The following ROBO2 variants were observed in gnomAD, a reference collection of about 807,000 sequenced individuals.
ROBO2 encodes the protein roundabout homolog 2.
ROBO2 carries 53 observed loss-of-function variants against 160.8 expected under a neutral mutation model. The observed-to-expected ratio is 0.33, with a 90% CI of 0.26 to 0.41. The LOEUF (loss-of-function observed/expected upper bound fraction) is 0.41. Among genes scored for constraint, ROBO2 ranks in the 10% least tolerant of loss-of-function variants. The pLI, the probability that ROBO2 is intolerant of heterozygous loss-of-function variation, is 1.00. For synonymous variants in ROBO2, 664 were observed against 611.7 expected, an observed-to-expected ratio of 1.09 and a Z score of -1.26; for missense variants, 1,577 against 1,722.4, an observed-to-expected ratio of 0.92 and a Z score of 1.49.
At chr3:76,099,720 A>G (rs900548393) in intron 2 of ROBO2, among the ~76,000 whole-genome samples, 1 of 152,148 alleles carries the variant, frequency 6.6e-6, no homozygotes, top group Non-Finnish European at 1.5e-5. Context: ...CTCTAAAAAA[A>G]TTTTCACTTA....
intron 1 of ROBO2, among the ~76,000 whole-genome samples, chr3:77,050,870 T>C (rs1001084017): frequency 6.6e-6 from 1 of 151,290 alleles, no homozygotes; most frequent in Non-Finnish European, 1.5e-5. Flanking sequence ...AAAAAAAAAT[T>C]AGCTGGGCAT....
chr3:76,893,842 A>G (rs935173431), intron 2 of ROBO2, among the ~76,000 whole-genome samples: 4 of 152,078 alleles, frequency 2.6e-5, no homozygotes, highest in Non-Finnish European at 4.4e-5. Flanking sequence ...CACCCTTCTC[A>G]GCCTCTAGCA....
At chr3:77,487,559 T>C (rs959030379) in intron 4 of ROBO2, among the ~76,000 whole-genome samples, 2 of 152,176 alleles carry the variant, frequency 1.3e-5, no homozygotes, top group Admixed American at 6.6e-5. Flanking sequence ...TTCAGTCTTT[T>C]TCTGGAAGGG....
At chr3:76,458,010 T>C (rs572028250) in intron 2 of ROBO2, among the ~76,000 whole-genome samples, 27 of 152,252 alleles carry the variant, frequency 1.8e-4, no homozygotes, top group African/African-American at 6.3e-4. Flanking sequence ...GAGGGGCTTC[T>C]CTCCATGTCT....
intron 2 of ROBO2, chr3:76,434,699 C>A: frequency 9.3e-7 from 1 of 1,078,894 alleles, no homozygotes; most frequent in Non-Finnish European, 1.4e-6. Flanking sequence ...TCCCCGTTCA[C>A]CAGGCAGGCC....
At chr3:76,829,873 G>A (rs1398352214) in intron 2 of ROBO2, among the ~76,000 whole-genome samples, 3 of 152,070 alleles carry the variant, frequency 2.0e-5, no homozygotes, top group Non-Finnish European at 4.4e-5. Flanking sequence ...TCACCATGTT[G>A]ACCAGGTTGG....
intron 2 of ROBO2, among the ~76,000 whole-genome samples, chr3:77,432,300 T>C (rs1278339702): frequency 3.3e-5 from 5 of 152,222 alleles, no homozygotes; most frequent in Non-Finnish European, 7.3e-5. Context: ...ATTAATAAAG[T>C]GAATTCTGTA....
intron 2 of ROBO2, among the ~76,000 whole-genome samples, chr3:76,831,880 CA>C (rs1201425441): frequency 6.6e-6 from 1 of 152,024 alleles, no homozygotes; most frequent in African/African-American, 2.4e-5. Context: ...GCTTTGTGGC[CA>C]GGGGGAAGAT....
chr3:76,684,922 C>T (rs1344095839), intron 2 of ROBO2, among the ~76,000 whole-genome samples: 1 of 151,500 alleles, frequency 6.6e-6, no homozygotes, highest in African/African-American at 2.4e-5. Context: ...AATTAAAAAC[C>T]CCAGGCAAAA....
chr3:76,915,975 T>C (rs2076279257), intron 2 of ROBO2, among the ~76,000 whole-genome samples: 1 of 152,100 alleles, frequency 6.6e-6, no homozygotes, highest in Admixed American at 6.6e-5. Flanking sequence ...CATATGCCTC[T>C]CTTATAATCA....
At chr3:76,199,590 GACCATAAATAAAAAT>G in intron 2 of ROBO2, among the ~76,000 whole-genome samples, 1 of 152,076 alleles carries the variant, frequency 6.6e-6, no homozygotes, top group Non-Finnish European at 1.5e-5. Flanking sequence ...ATAATGGCCA[GACCATAAATAAAAAT>G]AGAAACCTGA....
intron 2 of ROBO2, among the ~76,000 whole-genome samples, chr3:76,330,237 A>G (rs185893274): frequency 6.6e-6 from 1 of 152,316 alleles, no homozygotes; most frequent in African/African-American, 2.4e-5. Flanking sequence ...AGATACACCC[A>G]ATTAATTGCA....
intron 2 of ROBO2, among the ~76,000 whole-genome samples, chr3:77,297,404 C>T (rs2062242714): frequency 6.6e-6 from 1 of 152,052 alleles, no homozygotes; most frequent in Non-Finnish European, 1.5e-5. Context: ...GAACTAGAGT[C>T]TCTTGATTTT....
intron 2 of ROBO2, among the ~76,000 whole-genome samples, chr3:77,267,596 C>T (rs894271303): frequency 6.6e-6 from 1 of 152,056 alleles, no homozygotes; most frequent in African/African-American, 2.4e-5. Context: ...GATGGGTTGG[C>T]GTATGGGGCA....
intron 2 of ROBO2, among the ~76,000 whole-genome samples, chr3:77,244,423 T>C (rs1358982989): frequency 1.3e-5 from 2 of 152,166 alleles, no homozygotes; most frequent in African/African-American, 2.4e-5. Flanking sequence ...TAGGAAAACG[T>C]TTAGCATGCG....
intron 4 of ROBO2, among the ~76,000 whole-genome samples, chr3:77,490,370 G>A (rs562426979): frequency 1.9e-4 from 29 of 152,140 alleles, no homozygotes; most frequent in African/African-American, 7.0e-4. Context: ...GATTACAGGC[G>A]TGAGCCACCA....
chr3:77,294,948 CG>C (rs2061867961), intron 2 of ROBO2, among the ~76,000 whole-genome samples: 1 of 151,108 alleles, frequency 6.6e-6, no homozygotes, highest in African/African-American at 2.4e-5. Context: ...GATGGTTAAA[CG>C]AGTAAGCTGA....
Position 76,205,758 on chromosome 3 carries a change from C to T in ROBO2, c.109+268156C>T, listed in dbSNP as rs1341389503. Among the ~76,000 whole-genome samples, 3 of 152,124 alleles carry T rather than the reference C, an allele frequency of 2.0e-5. No homozygotes were observed. The South Asian group carries it at 6.2e-4, about 31-fold the overall frequency. Reference sequence around the variant, plus strand: ...ATGCCATCCCTTTTGGGTTCCTGTTCACGGATCTAAGAGTATCCCCTTCAT... The same window carrying T: ...ATGCCATCCCTTTTGGGTTCCTGTTTACGGATCTAAGAGTATCCCCTTCAT... On this transcript the variant is annotated intron_variant, in intron 2 of 26. Coordinates refer to the ROBO2 transcript ENST00000487694.
chr3:76,068,512 C>A (rs1333697604), intron 2 of ROBO2, among the ~76,000 whole-genome samples: 1 of 152,198 alleles, frequency 6.6e-6, no homozygotes, highest in Non-Finnish European at 1.5e-5. Flanking sequence ...ACCCTATCGC[C>A]TCTCAATTAA....
Sources: gnomAD v4.1 joint callset for allele counts (sites outside exome capture counted in the v4.1 genomes callset) on GRCh38, gnomAD v4.1.1 for gene constraint, MANE v1.5 for transcripts, NCBI Gene and HGNC (gene_info 2026-07-23, HGNC 2026-07-21) for gene names.